The following RORA variants were observed in gnomAD, a reference collection of about 807,000 sequenced individuals.
RORA encodes the protein RAR related orphan receptor A.
In RORA, 7 loss-of-function variants were observed where a neutral mutation model predicts 69.5. The ratio of observed to expected loss-of-function variants is 0.10; its 90% confidence interval spans 0.06 to 0.19. The LOEUF (loss-of-function observed/expected upper bound fraction) is 0.19, where lower values mean the gene tolerates loss of function less well. Among genes scored for constraint, RORA ranks in the 10% least tolerant of loss-of-function variants. The pLI is 1.00. For synonymous variants in RORA, 261 were observed against 240.8 expected (o/e 1.08, Z -0.78); for missense variants, 457 against 663.0 (o/e 0.69, Z 3.41).
At chr15:60,709,477 T>G (rs2071113349) in intron 1 of RORA, among the ~76,000 whole-genome samples, 2 of 152,132 alleles carry the variant, frequency 1.3e-5, no homozygotes, top group Non-Finnish European at 2.9e-5. Flanking sequence ...CTGGTCCTGT[T>G]AGGAACTGGA....
At chr15:60,678,403 T>G in intron 2 of RORA, 1 of 396,652 alleles carries the variant, frequency 2.5e-6, no homozygotes. Flanking sequence ...ATTTCATGAT[T>G]TTTCTAAAGC....
At chr15:60,552,359 G>A (rs761185536) in intron 2 of RORA, among the ~76,000 whole-genome samples, 14 of 152,044 alleles carry the variant, frequency 9.2e-5, no homozygotes, top group Non-Finnish European at 2.1e-4. Context: ...GGCATCCCTC[G>A]CCCTCTCCCC....
intron 1 of RORA, among the ~76,000 whole-genome samples, chr15:60,758,640 C>T (rs2071837098): frequency 6.6e-6 from 1 of 152,164 alleles, no homozygotes; most frequent in South Asian, 2.1e-4. Context: ...AGTTTTTGCT[C>T]ATTTTTAAAG....
chr15:60,729,822 T>C (rs892128687), intron 1 of RORA, among the ~76,000 whole-genome samples: 25 of 152,250 alleles, frequency 1.6e-4, no homozygotes, highest in African/African-American at 6.0e-4. Flanking sequence ...ATACTTTATG[T>C]AGTCAGGGTT....
intron 1 of RORA, among the ~76,000 whole-genome samples, chr15:61,177,025 T>C (rs1386820747): frequency 2.0e-5 from 3 of 152,188 alleles, no homozygotes; most frequent in Admixed American, 6.5e-5. Flanking sequence ...ACAGGATTGG[T>C]TGGCCTTAAA....
chr15:60,807,258 T>C (rs1215517218), intron 1 of RORA, among the ~76,000 whole-genome samples: 1 of 152,184 alleles, frequency 6.6e-6, no homozygotes, highest in Non-Finnish European at 1.5e-5. Flanking sequence ...AGCCCTGCTA[T>C]ACACCAACAA....
intron 1 of RORA, among the ~76,000 whole-genome samples, chr15:60,704,858 C>A (rs1385669961): frequency 1.3e-5 from 2 of 152,140 alleles, no homozygotes; most frequent in Admixed American, 1.3e-4. Context: ...ACTCATATTG[C>A]TCTGGATGGT....
At chr15:61,190,490 G>C (rs1421047988) in intron 1 of RORA, among the ~76,000 whole-genome samples, 1 of 152,240 alleles carries the variant, frequency 6.6e-6, no homozygotes, top group Non-Finnish European at 1.5e-5. Context: ...GGCATGGTGG[G>C]TGGCTCAGGC....
chr15:61,135,573 C>T (rs1032942097), intron 1 of RORA, among the ~76,000 whole-genome samples: 2 of 85,956 alleles, frequency 2.3e-5, no homozygotes, highest in Non-Finnish European at 4.4e-5. Flanking sequence ...CTTGTATTTC[C>T]ACATCAAAAA....
intron 1 of RORA, among the ~76,000 whole-genome samples, chr15:61,043,680 G>T (rs1325217712): frequency 1.3e-5 from 2 of 152,102 alleles, no homozygotes; most frequent in Non-Finnish European, 2.9e-5. Flanking sequence ...CCAATACACT[G>T]CCAGTAAAGA....
chr15:61,114,917 C>G (rs778974619), intron 1 of RORA, among the ~76,000 whole-genome samples: 1 of 152,224 alleles, frequency 6.6e-6, no homozygotes, highest in Non-Finnish European at 1.5e-5. Context: ...ACTCCCTCAT[C>G]ATTAGAGTTA....
intron 1 of RORA, among the ~76,000 whole-genome samples, chr15:60,912,131 C>G (rs762745820): frequency 6.6e-6 from 1 of 152,150 alleles, no homozygotes; most frequent in African/African-American, 2.4e-5. Context: ...CTGAACCAGA[C>G]CAGGTGCAGT....
chr15:60,914,447 T>G (rs1304233044), intron 1 of RORA, among the ~76,000 whole-genome samples: 7 of 152,202 alleles, frequency 4.6e-5, no homozygotes, highest in Non-Finnish European at 1.0e-4. Flanking sequence ...TGACAAGAAA[T>G]ACAAAGGTGT....
At chr15:61,192,240 T>C (rs1473535268) in intron 1 of RORA, among the ~76,000 whole-genome samples, 2 of 152,264 alleles carry the variant, frequency 1.3e-5, no homozygotes, top group South Asian at 4.1e-4. Context: ...TGCTCTTCGC[T>C]ATAAAATAGT....
intron 1 of RORA, among the ~76,000 whole-genome samples, chr15:61,083,430 C>T (rs1219243106): frequency 6.6e-6 from 1 of 152,174 alleles, no homozygotes; most frequent in African/African-American, 2.4e-5. Flanking sequence ...CCATCTATAC[C>T]TATGGACTTT....
rs73422075 is a variant in RORA, at chr15:60,570,440, C to T, written c.197-38589G>A. The stretch of plus-strand genomic sequence containing the variant: ...GACTTCCCCAGCCTCGGGTTATCCT[C>T]CTACCTCAGTCTCCTGAGTAGCTGG... On this transcript the variant is annotated intron_variant, in intron 2 of 10. Coordinates refer to ENST00000335670, the MANE Select transcript of RORA (RefSeq NM_134261.3). Among the ~76,000 whole-genome samples the T allele has an allele frequency of 6.8e-3, 1,028 of 152,244 alleles. 17 individuals carry two copies. Among genetic ancestry groups the T allele is most frequent in the African/African-American group, 0.023 (972 of 41,526 alleles).
intron 1 of RORA, among the ~76,000 whole-genome samples, chr15:60,882,039 G>A (rs903498321): frequency 6.6e-6 from 1 of 152,190 alleles, no homozygotes; most frequent in Non-Finnish European, 1.5e-5. Context: ...TTGCGGAACT[G>A]TCCCCAGTAT....
intron 2 of RORA, among the ~76,000 whole-genome samples, chr15:60,619,064 C>A (rs2069334199): frequency 6.6e-6 from 1 of 152,238 alleles, no homozygotes; most frequent in Non-Finnish European, 1.5e-5. Flanking sequence ...CTGGCAAACA[C>A]AGTTACACTA....
intron 1 of RORA, among the ~76,000 whole-genome samples, chr15:60,997,191 T>C (rs1368526642): frequency 1.3e-5 from 2 of 152,130 alleles, no homozygotes; most frequent in Non-Finnish European, 2.9e-5. Context: ...ACATAATTGG[T>C]TTGTTTGAAT....
Sources: gnomAD v4.1 joint callset for allele counts (sites outside exome capture counted in the v4.1 genomes callset) on GRCh38, gnomAD v4.1.1 for gene constraint, MANE v1.5 for transcripts, NCBI Gene and HGNC (gene_info 2026-07-23, HGNC 2026-07-21) for gene names.